NBPF12: variants seen among roughly 807,000 people sequenced by gnomAD.
NBPF12 encodes the protein NBPF member 12.
In NBPF12, 115 loss-of-function variants were observed where a neutral mutation model predicts 146.4. That is an observed-to-expected ratio of 0.79 (90% CI 0.68 to 0.92). NBPF12 has a LOEUF of 0.92. NBPF12 is among the 40% of genes least tolerant of loss of function. The pLI, the probability that NBPF12 is intolerant of heterozygous loss-of-function variation, is 0.00. For missense variants in NBPF12, 1,205 were observed against 1,326.8 expected (o/e 0.91, Z 1.43); for synonymous variants, 385 against 508.9 (o/e 0.76, Z 3.28).
intron 2 of NBPF12, among the ~76,000 whole-genome samples, chr1:146,955,808 G>C (rs1411827518): frequency 6.6e-6 from 1 of 151,624 alleles, no homozygotes; most frequent in African/African-American, 2.4e-5. Context: ...CAATAAACTT[G>C]TTTGTGGAGG....
exon 5 of NBPF12, chr1:146,962,201 G>C (rs1372553929): frequency 1.2e-6 from 2 of 1,608,528 alleles, no homozygotes; most frequent in African/African-American, 1.3e-5. Context: ...TTATGCTGAG[G>C]AATGAGCGAC....
At chr1:146,966,637 C>A (rs1553885683) in exon 9 of NBPF12, 13 of 1,500,852 alleles carry the variant, frequency 8.7e-6, no homozygotes, top group Non-Finnish European at 1.1e-5. Flanking sequence ...TGTAACTCAA[C>A]TGGCCGGCTT....
rs1656440913 is a variant in NBPF12, at chr1:146,969,600, A to C, written c.1306+4A>C. 6.2e-7 allele frequency: 1 copy of C among 1,610,074 alleles called. No individual in the cohort carries two copies. Among genetic ancestry groups the C allele is most frequent in the Non-Finnish European group, 8.5e-7 (1 of 1,179,194 alleles). Reference sequence around the variant, plus strand: ...CTTGTCCAAAAGCTCAGCCCAGGTAAGGTGGCCACAGGCCCTGATGACCCA... The same window carrying C: ...CTTGTCCAAAAGCTCAGCCCAGGTACGGTGGCCACAGGCCCTGATGACCCA... On this transcript the variant is annotated splice_donor_region_variant and intron_variant, in intron 11 of 33. Transcript: ENST00000617844.
intron 13 of NBPF12, among the ~76,000 whole-genome samples, chr1:146,971,939 T>G (rs1656654327): frequency 7.7e-6 from 1 of 129,898 alleles, no homozygotes; most frequent in Non-Finnish European, 1.6e-5. Context: ...AAAAAAAAAA[T>G]TAGCTGGGCG....
chr1:146,962,279 G>C lies in NBPF12; in HGVS notation c.278+16G>C. 5 of 1,596,348 alleles carry C rather than the reference G, an allele frequency of 3.1e-6. No individual in the cohort carries two copies. Among genetic ancestry groups the C allele is most frequent in the Non-Finnish European group, 4.3e-6 (5 of 1,172,428 alleles). ...AGGAGCTCAGGTGAGGGGACCCCAT[G>C]GGGGGAGGCAGGCGGGTAGGTGTGT... On this transcript the variant is annotated intron_variant, in intron 5 of 33. Coordinates refer to ENST00000617844, the Ensembl canonical transcript of NBPF12.
chr1:146,971,251 C>G lies in NBPF12; in HGVS notation c.1448C>G (p.Ser483Ter), dbSNP rs1231749845. The G allele has an allele frequency of 2.5e-6, 4 of 1,612,238 alleles. No individual in the cohort carries two copies. Among genetic ancestry groups the G allele is most frequent in the Non-Finnish European group, 3.4e-6 (4 of 1,179,772 alleles). Residue 483 changes from serine (S) to a stop codon, truncating the protein, a stop_gained, in exon 13 of 34, where the codon TCA becomes TGA. Coordinates refer to ENST00000617844, the Ensembl canonical transcript of NBPF12. LOFTEE classifies it high-confidence loss of function. ...CTGGAGGAATGTGCCATCACTTGTTCAAATAGCCACGGCCCTTGTGACTCC... is the reference window on the plus strand; with the variant it reads ...CTGGAGGAATGTGCCATCACTTGTTGAAATAGCCACGGCCCTTGTGACTCC...
At chr1:146,938,979 G>C (rs1553882451) in exon 1 of NBPF12, 1 of 152,294 alleles carries the variant, frequency 6.6e-6, no homozygotes, top group Non-Finnish European at 1.5e-5. Flanking sequence ...CCAGCGTTCC[G>C]GAGGTGAGGG....
At chr1:146,964,235 A>G (rs1656047183) in intron 6 of NBPF12, 122 bp from the exon 10 acceptor site, 1 of 1,465,116 alleles carries the variant, frequency 6.8e-7, no homozygotes, top group South Asian at 1.2e-5. Context: ...AGGATAAAAC[A>G]TGAGAGTTTT....
At chr1:146,938,387 C>A, upstream of NBPF12, among the ~76,000 whole-genome samples, 1 of 152,094 alleles carries the variant, frequency 6.6e-6, no homozygotes, top group Non-Finnish European at 1.5e-5. Context: ...GGGGTCGCTC[C>A]AGGCTTCCGA....
In NBPF12 at chr1:146,984,898, C is replaced by G. The variant is rs1373414446; in HGVS notation, c.2752C>G (p.Leu918Val). ...ATGTTATTCAACTCCTTCAGTTTAT[C>G]TTGGACTGACTGACTCATGCCAGCC... Residue 918 changes from leucine to valine, a missense_variant, in exon 22 of 34, where the codon CTT becomes GTT. Physicochemically the swap from Leu to Val is conservative, Grantham distance 32 (BLOSUM62 1). This residue lies in a region of NBPF12 where 68 missense variants were observed against 62.2 expected (regional missense o/e 1.09). Coordinates refer to ENST00000617844, the Ensembl canonical transcript of NBPF12. 22 of 1,596,852 alleles carry G rather than the reference C, an allele frequency of 1.4e-5. No homozygotes were observed. In the East Asian group the frequency reaches 4.7e-4, roughly 34 times the overall value.
intron 2 of NBPF12, among the ~76,000 whole-genome samples, chr1:146,954,890 C>T (rs1655500390): frequency 8.5e-6 from 1 of 118,196 alleles, no homozygotes; most frequent in East Asian, 2.5e-4. Context: ...CCCACACACA[C>T]ACACACAAAC....
chr1:146,970,747 A>G, intron 12 of NBPF12, 28 bp downstream of exon 15: 2 of 1,304,750 alleles, frequency 1.5e-6, no homozygotes, highest in Non-Finnish European at 2.2e-6. Context: ...GGAGCAAGTA[A>G]TGGGTGTTAA....
intron 1 of NBPF12, among the ~76,000 whole-genome samples, chr1:146,940,769 C>T (rs1553882761): frequency 6.6e-5 from 10 of 151,994 alleles, no homozygotes; most frequent in African/African-American, 1.9e-4. Flanking sequence ...ACCCCACATC[C>T]TTGCTGATGC....
In NBPF12 at chr1:146,969,817, G is replaced by T. The variant is rs1277469860; in HGVS notation, c.1306+221G>T. ...GTCCCTCCTTCCTTGATGGAAGGTG[G>T]TCTTTGGAGCAAGAGGCAGCATCTA... is the stretch of plus-strand genomic sequence containing the variant. On this transcript the variant is annotated intron_variant, in intron 11 of 33. Coordinates refer to ENST00000617844, the Ensembl canonical transcript of NBPF12. Among the ~76,000 whole-genome samples, 5 of 151,360 alleles carry T rather than the reference G, an allele frequency of 3.3e-5. 1 individual carries two copies. In the South Asian group the frequency reaches 8.4e-4, roughly 25 times the overall value.
chr1:146,971,634 C>T (rs1298660090), intron 13 of NBPF12, among the ~76,000 whole-genome samples: 7 of 148,614 alleles, frequency 4.7e-5, no homozygotes, highest in Non-Finnish European at 1.0e-4. Flanking sequence ...ACGAAGAATA[C>T]AAAAAATTAG....
At chr1:146,994,550 A>T (rs782542936) in exon 34 of NBPF12, 4 of 1,609,720 alleles carry the variant, frequency 2.5e-6, no homozygotes, top group African/African-American at 1.4e-5. Flanking sequence ...CTGGTCTTCC[A>T]GATGGGAGTC....
chr1:146,981,294 A>AATATAT (rs1156779222), intron 19 of NBPF12, among the ~76,000 whole-genome samples: 71 of 90,174 alleles, frequency 7.9e-4, no homozygotes, highest in African/African-American at 3.1e-3. Context: ...AAAAAAAAAA[A>AATATAT]ATATATATAT....
rs1559518663 is a variant in NBPF12, at chr1:146,957,896, TA to T, written c.-183-1962del. Among the ~76,000 whole-genome samples, 601 of 108,366 alleles carry T rather than the reference TA, an allele frequency of 5.5e-3. 26 individuals are homozygous for T. The highest frequency in any genetic ancestry group is 0.018 in the African/African-American group (569 of 31,206). 71.1% of individuals were successfully genotyped at this position (108,366 alleles called of 152,430 possible). ...ATTGTATATTATGTATATACACATA[TA>T]TATACACGTATGTATATACACGTAT... On this transcript the variant is annotated intron_variant, in intron 2 of 33. Coordinates refer to ENST00000617844, the Ensembl canonical transcript of NBPF12.
intron 2 of NBPF12, chr1:146,951,916 A>T (rs1655340099): frequency 1.1e-5 from 2 of 182,476 alleles, no homozygotes; most frequent in South Asian, 1.1e-4. Flanking sequence ...ACCACCAGGA[A>T]TGTCTGGACA....
Sources: gnomAD v4.1 joint callset for allele counts (sites outside exome capture counted in the v4.1 genomes callset) on GRCh38, gnomAD v4.1.1 for gene constraint, gnomAD v4.1.1 regional missense constraint, MANE v1.5 for transcripts, NCBI Gene and HGNC (gene_info 2026-07-23, HGNC 2026-07-21) for gene names.